The following CPB2 variants were observed in gnomAD, a reference collection of about 807,000 sequenced individuals.
CPB2 encodes the protein carboxypeptidase B-like protein.
In CPB2, 54 loss-of-function variants were observed where a neutral mutation model predicts 57.0. The observed-to-expected ratio is 0.95, with a 90% CI of 0.76 to 1.19. CPB2 has a LOEUF of 1.19. Ranked by LOEUF, CPB2 falls within the 50% of genes most tolerant of loss-of-function variation. The pLI is 0.00. For synonymous variants in CPB2, 189 were observed against 178.1 expected, an observed-to-expected ratio of 1.06 and a Z score of -0.49; for missense variants, 426 against 512.0, an observed-to-expected ratio of 0.83 and a Z score of 1.62.
At chr13:46,091,294 G>A (rs1265080619) in intron 1 of CPB2, among the ~76,000 whole-genome samples, 6 of 152,122 alleles carry the variant, frequency 3.9e-5, no homozygotes. Flanking sequence ...TACTTTTAAT[G>A]TACTTAATGT....
chr13:46,070,661 A>T (rs917997398), intron 6 of CPB2, among the ~76,000 whole-genome samples: 16 of 152,226 alleles, frequency 1.1e-4, no homozygotes, highest in South Asian at 2.1e-4. Flanking sequence ...GCTAAAAAAA[A>T]ATATAAGACA....
intron 1 of CPB2, among the ~76,000 whole-genome samples, chr13:46,095,496 G>A (rs554494124): frequency 4.6e-5 from 7 of 152,098 alleles, no homozygotes; most frequent in Non-Finnish European, 7.4e-5. Flanking sequence ...ACTCAACCAA[G>A]CAACAATCTC....
At chr13:46,064,623 G>T in intron 8 of CPB2, 25 bp downstream of exon 8, 1 of 1,584,646 alleles carries the variant, frequency 6.3e-7, no homozygotes, top group Non-Finnish European at 8.7e-7. Context: ...AAGAGACATT[G>T]CAAGAAATAA....
intron 7 of CPB2, among the ~76,000 whole-genome samples, chr13:46,066,947 A>AT (rs1219817275): frequency 3.3e-5 from 5 of 151,156 alleles, no homozygotes. Flanking sequence ...TACTATAATT[A>AT]TTTTTTTCAG....
chr13:46,053,611 G>C lies in CPB2; in HGVS notation c.*3C>G, dbSNP rs759833444. 1 of 1,610,926 alleles carries C rather than the reference G, an allele frequency of 6.2e-7. No homozygotes were observed. Among genetic ancestry groups the C allele is most frequent in the South Asian group, 1.1e-5 (1 of 90,916 alleles). On this transcript the variant is annotated 3_prime_UTR_variant, in exon 11 of 11. Coordinates refer to ENST00000181383, the MANE Select transcript of CPB2 (RefSeq NM_001872.5). The stretch of plus-strand genomic sequence containing the variant: ...CGGAAGCAGAATGATAAAATCAGGG[G>C]CATTAAACATTCCTAATGACATGCC...
chr13:46,067,081 G>A (rs1301874532), intron 7 of CPB2, among the ~76,000 whole-genome samples: 1 of 151,708 alleles, frequency 6.6e-6, no homozygotes, highest in African/African-American at 2.4e-5. Context: ...GATGAAACAA[G>A]ACTGGTCATG....
intron 3 of CPB2, among the ~76,000 whole-genome samples, chr13:46,082,806 G>T (rs17844193): frequency 1.3e-5 from 2 of 152,206 alleles, no homozygotes; most frequent in South Asian, 4.1e-4. Context: ...AAAAACCACC[G>T]TTTCCCACCA....
At chr13:46,075,588 G>A (rs11620308) in intron 5 of CPB2, among the ~76,000 whole-genome samples, 51,336 of 151,800 alleles carry the variant, frequency 0.34, 8,810 homozygotes, top group African/African-American at 0.38. Context: ...CCAACTCAGT[G>A]ACCAAGGGGA....
intron 2 of CPB2, 102 bp from the exon 3 acceptor site, chr13:46,084,445 A>G: frequency 7.9e-7 from 1 of 1,260,024 alleles, no homozygotes; most frequent in South Asian, 1.4e-5. Flanking sequence ...AGGAGTATGA[A>G]AAGGACACTC....
At chr13:46,102,224 C>T (rs762729371) in intron 1 of CPB2, among the ~76,000 whole-genome samples, 6 of 152,216 alleles carry the variant, frequency 3.9e-5, no homozygotes, top group Non-Finnish European at 7.3e-5. Context: ...CCTAGTGTCT[C>T]TTACTTCCTC....
chr13:46,075,881 T>A (rs574454275), intron 5 of CPB2, among the ~76,000 whole-genome samples: 37 of 152,196 alleles, frequency 2.4e-4, no homozygotes, highest in Non-Finnish European at 4.9e-4. Flanking sequence ...CTGAAAACAA[T>A]TGGCTGTGGC....
At chr13:46,055,236 C>T (rs1272730968) in intron 10 of CPB2, among the ~76,000 whole-genome samples, 1 of 151,924 alleles carries the variant, frequency 6.6e-6, no homozygotes, top group Non-Finnish European at 1.5e-5. Context: ...AGGAGTTACT[C>T]ACTAAATATC....
chr13:46,101,189 A>G (rs2045430128), intron 1 of CPB2: 1 of 152,230 alleles, frequency 6.6e-6, no homozygotes, highest in East Asian at 1.9e-4. Flanking sequence ...ACAACTGCTC[A>G]CCTGTAACTA....
At chr13:46,054,566 TG>T (rs574296840) in intron 10 of CPB2, among the ~76,000 whole-genome samples, 15 of 152,022 alleles carry the variant, frequency 9.9e-5, no homozygotes, top group Non-Finnish European at 1.9e-4. Flanking sequence ...TGACTTTTTT[TG>T]GGGGGGTGCT....
At chr13:46,081,017 C>G (rs532847379) in intron 4 of CPB2, among the ~76,000 whole-genome samples, 34 of 143,552 alleles carry the variant, frequency 2.4e-4, no homozygotes, top group Admixed American at 4.2e-4. Flanking sequence ...TGAGGAAGAA[C>G]GCTGTGAGAT....
At chr13:46,082,375 CCT>C (rs1033598032) in intron 4 of CPB2, 64 bp downstream of exon 4, 2 of 873,940 alleles carry the variant, frequency 2.3e-6, no homozygotes, top group Admixed American at 4.2e-5. Context: ...TGAATATTCC[CCT>C]GATTGAAATG....
chr13:46,064,589 C>T (rs2044823962), intron 8 of CPB2, 59 bp downstream of exon 8: 2 of 1,360,284 alleles, frequency 1.5e-6, no homozygotes. Flanking sequence ...TGGGCCTTTC[C>T]CTGTGAACAT....
intron 8 of CPB2, among the ~76,000 whole-genome samples, chr13:46,063,157 C>T (rs1237531633): frequency 2.0e-5 from 3 of 152,082 alleles, no homozygotes; most frequent in Admixed American, 6.5e-5. Flanking sequence ...ACACCTACCC[C>T]CCTAAAAGCA....
chr13:46,077,740 A>G (rs898975779), intron 5 of CPB2, among the ~76,000 whole-genome samples: 1 of 152,214 alleles, frequency 6.6e-6, no homozygotes, highest in Non-Finnish European at 1.5e-5. Context: ...GTGGATATGC[A>G]TGTGGAAAAT....
Sources: gnomAD v4.1 joint callset for allele counts (sites outside exome capture counted in the v4.1 genomes callset) on GRCh38, gnomAD v4.1.1 for gene constraint, MANE v1.5 for transcripts, NCBI Gene and HGNC (gene_info 2026-07-23, HGNC 2026-07-21) for gene names.